The following TRPM3 variants were observed in gnomAD, a reference collection of about 807,000 sequenced individuals.
The protein encoded by TRPM3 is transient receptor potential cation channel subfamily M member 3.
Under a neutral mutation model 181.2 loss-of-function variants are expected in TRPM3, and 77 were observed. The ratio of observed to expected loss-of-function variants is 0.42; its 90% CI spans 0.35 to 0.51. TRPM3 has a LOEUF of 0.51. TRPM3 is among the 20% of genes least tolerant of loss of function. The pLI, the probability that TRPM3 is intolerant of heterozygous loss-of-function variation, is 0.01. For synonymous variants in TRPM3, 745 were observed against 796.4 expected (o/e 0.94, Z 1.09); for missense variants, 1,759 against 2,196.7 (o/e 0.80, Z 3.98).
intron 3 of TRPM3, among the ~76,000 whole-genome samples, chr9:70,860,812 G>A (rs927845032): frequency 7.2e-5 from 11 of 152,216 alleles, no homozygotes; most frequent in Admixed American, 3.9e-4. Flanking sequence ...ATTAATAGCA[G>A]CTAGATTAAT....
intron 6 of TRPM3, among the ~76,000 whole-genome samples, chr9:70,802,349 T>C (rs2089359081): frequency 6.6e-6 from 1 of 152,188 alleles, no homozygotes; most frequent in African/African-American, 2.4e-5. Context: ...CCAGATGGAC[T>C]CTTGTAACTA....
chr9:71,114,525 T>C (rs1299397456), intron 1 of TRPM3, among the ~76,000 whole-genome samples: 1 of 152,200 alleles, frequency 6.6e-6, no homozygotes, highest in African/African-American at 2.4e-5. Context: ...TAAATATAAT[T>C]ATGCTTTTCC....
At chr9:70,564,495 T>C (rs1273731810) in intron 22 of TRPM3, among the ~76,000 whole-genome samples, 2 of 152,200 alleles carry the variant, frequency 1.3e-5, no homozygotes, top group Non-Finnish European at 2.9e-5. Context: ...CTAAGGAATA[T>C]GCTTGTTGTT....
At chr9:70,840,225 A>G (rs940182296) in intron 5 of TRPM3, among the ~76,000 whole-genome samples, 1 of 152,178 alleles carries the variant, frequency 6.6e-6, no homozygotes, top group Non-Finnish European at 1.5e-5. Flanking sequence ...TTATCACACA[A>G]GAGCCTGAGA....
chr9:70,748,718 CAG>C (rs1460574830), intron 8 of TRPM3, among the ~76,000 whole-genome samples: 3 of 152,064 alleles, frequency 2.0e-5, no homozygotes, highest in Non-Finnish European at 4.4e-5. Context: ...CTGAATCTGC[CAG>C]AGTCTTGATC....
In TRPM3 at chr9:70,536,907, A is replaced by G; in HGVS notation, c.4206T>C (p.Val1402=). The change falls in exon 26 of 26, where the codon GTT becomes GTC. Residue 1402 remains valine, a synonymous_variant. Coordinates refer to ENST00000677713, the MANE Select transcript of TRPM3 (RefSeq NM_001366145.2). The stretch of plus-strand genomic sequence containing the variant: ...ACGATGATGGTCTTCTGGAATCAGG[A>G]ACAATGGCCAAGGTGTTGGCAGGGG... ...PAAPANTLAI[V]PDSRRPSSCI... 6.2e-7 allele frequency: 1 copy of G among 1,614,182 alleles called. No homozygotes were observed.
At chr9:71,352,855 T>C (rs1251802007) in intron 1 of TRPM3, among the ~76,000 whole-genome samples, 1 of 152,118 alleles carries the variant, frequency 6.6e-6, no homozygotes, top group African/African-American at 2.4e-5. Context: ...CTTTCATATT[T>C]AACTCAGCTC....
chr9:70,789,333 G>A (rs887477311), intron 6 of TRPM3, among the ~76,000 whole-genome samples: 1 of 152,146 alleles, frequency 6.6e-6, no homozygotes, highest in Non-Finnish European at 1.5e-5. Flanking sequence ...AGAAACTGAT[G>A]TAAGTTCCTT....
chr9:71,250,605 A>G (rs1030778190), intron 1 of TRPM3, among the ~76,000 whole-genome samples: 1 of 152,218 alleles, frequency 6.6e-6, no homozygotes, highest in African/African-American at 2.4e-5. Flanking sequence ...TGAGCAAAAT[A>G]GATAAGGATT....
At chr9:70,783,474 G>C (rs1041376825) in intron 7 of TRPM3, among the ~76,000 whole-genome samples, 5 of 152,210 alleles carry the variant, frequency 3.3e-5, no homozygotes, top group African/African-American at 1.2e-4. Context: ...GCTGTGAAGG[G>C]GGAATCTTTT....
intron 1 of TRPM3, among the ~76,000 whole-genome samples, chr9:71,374,175 A>T (rs911645607): frequency 6.6e-6 from 1 of 152,202 alleles, no homozygotes; most frequent in Admixed American, 6.5e-5. Flanking sequence ...CAGGAGTTCG[A>T]GACCAGCCTG....
chr9:70,655,694 C>T (rs1018921372), intron 9 of TRPM3, among the ~76,000 whole-genome samples: 8 of 152,122 alleles, frequency 5.3e-5, no homozygotes, highest in African/African-American at 1.9e-4. Context: ...TTCTAGCACA[C>T]CAGACTTTTT....
At chr9:70,595,673 T>C (rs2058884709) in intron 21 of TRPM3, among the ~76,000 whole-genome samples, 1 of 152,208 alleles carries the variant, frequency 6.6e-6, no homozygotes, top group Non-Finnish European at 1.5e-5. Flanking sequence ...CATTTTTATA[T>C]ATAAATTGCA....
intron 1 of TRPM3, among the ~76,000 whole-genome samples, chr9:71,019,361 CAAAT>C (rs1428993912): frequency 6.6e-6 from 1 of 151,798 alleles, no homozygotes; most frequent in Non-Finnish European, 1.5e-5. Context: ...AAAAAGACTC[CAAAT>C]AAATTATAAA....
At chr9:71,070,316 G>A (rs2062580004) in intron 1 of TRPM3, among the ~76,000 whole-genome samples, 1 of 152,194 alleles carries the variant, frequency 6.6e-6, no homozygotes, top group Admixed American at 6.5e-5. Flanking sequence ...GGTCATGAAT[G>A]ATGCATGCTG....
At chr9:71,334,118 A>G (rs2090401112) in intron 1 of TRPM3, among the ~76,000 whole-genome samples, 1 of 151,810 alleles carries the variant, frequency 6.6e-6, no homozygotes, top group Admixed American at 6.6e-5. Flanking sequence ...ACATGCCAAC[A>G]GAGATGGTAT....
chr9:70,673,821 C>T (rs1004305566), intron 9 of TRPM3, among the ~76,000 whole-genome samples: 21 of 151,586 alleles, frequency 1.4e-4, no homozygotes, highest in African/African-American at 3.9e-4. Context: ...TGGTGGTGGG[C>T]ACCTGTAATT....
At chr9:71,386,442 T>C (rs1443664723) in intron 1 of TRPM3, among the ~76,000 whole-genome samples, 3 of 150,956 alleles carry the variant, frequency 2.0e-5, no homozygotes, top group African/African-American at 4.9e-5. Flanking sequence ...AGCAAGACTC[T>C]GTCTTTTGAA....
rs148959677 is a variant in TRPM3 at position 71,425,280 on chromosome 9, T to C, written c.183+21373A>G. Among the ~76,000 whole-genome samples, 15 of 152,290 alleles carry C rather than the reference T, an allele frequency of 9.8e-5. No individual in the cohort carries two copies. The East Asian group carries it at 2.7e-3, about 27-fold the overall frequency. On this transcript the variant is annotated intron_variant, in intron 1 of 24. Coordinates refer to the TRPM3 transcript ENST00000357533. ...GGTTAGCTCTAACTGGGACATCTTT[T>C]TGGGTTCTAGTCACATGTATTGAAC... is the stretch of plus-strand genomic sequence containing the variant.
Sources: gnomAD v4.1 joint callset for allele counts (sites outside exome capture counted in the v4.1 genomes callset) on GRCh38, gnomAD v4.1.1 for gene constraint, MANE v1.5 for transcripts, NCBI Gene and HGNC (gene_info 2026-07-23, HGNC 2026-07-21) for gene names.